Variants in SLC13A1 observed in about 807,000 individuals in gnomAD.
SLC13A1 encodes the protein Na(+)/sulfate cotransporter.
In SLC13A1, 65 loss-of-function variants were observed where a neutral mutation model predicts 70.0. The observed-to-expected ratio is 0.93, with a 90% CI of 0.76 to 1.14. The LOEUF (loss-of-function observed/expected upper bound fraction) is 1.14. SLC13A1 is among the 50% of genes most tolerant of loss of function. The probability of loss-of-function intolerance (pLI) is 0.00; values close to 1 mark genes in which losing one functional copy is unlikely to be tolerated. For synonymous variants in SLC13A1, 275 were observed against 250.5 expected, an observed-to-expected ratio of 1.10 and a Z score of -0.92; for missense variants, 726 against 717.8, an observed-to-expected ratio of 1.01 and a Z score of -0.13.
At chr7:123,161,313 G>T (rs1409384701) in intron 6 of SLC13A1, among the ~76,000 whole-genome samples, 1 of 150,548 alleles carries the variant, frequency 6.6e-6, no homozygotes, top group Non-Finnish European at 1.5e-5. Context: ...AAAAGCACAA[G>T]AAAAATGTTA....
chr7:123,119,262 T>C lies in SLC13A1; in HGVS notation c.1351-20A>G. The C allele has an allele frequency of 1.3e-6, 2 of 1,503,464 alleles. No individual in the cohort carries two copies. Among genetic ancestry groups the C allele is most frequent in the Non-Finnish European group, 1.8e-6 (2 of 1,097,850 alleles). 93.1% of individuals were successfully genotyped at this position (1,503,464 alleles called of 1,614,324 possible). On this transcript the variant is annotated intron_variant, in intron 12 of 14. Coordinates refer to ENST00000194130, the MANE Select transcript of SLC13A1 (RefSeq NM_022444.4). Reference sequence around the variant, plus strand: ...AGACTCCTAAAAAACAAATTTGCAATATTTGTTACTCATGAATAATTCTTT... The same window carrying C: ...AGACTCCTAAAAAACAAATTTGCAACATTTGTTACTCATGAATAATTCTTT...
intron 7 of SLC13A1, among the ~76,000 whole-genome samples, chr7:123,142,746 T>C (rs1794202062): frequency 6.7e-6 from 1 of 150,368 alleles, no homozygotes; most frequent in African/African-American, 2.5e-5. Context: ...GCCTCCTGAG[T>C]AGCTGGGACT....
At chr7:123,175,751 AC>A (rs1278633669) in intron 2 of SLC13A1, among the ~76,000 whole-genome samples, 1 of 152,188 alleles carries the variant, frequency 6.6e-6, no homozygotes, top group Non-Finnish European at 1.5e-5. Flanking sequence ...GGGCTAAGAT[AC>A]CCTATTTTAC....
At chr7:123,143,047 G>T (rs1308227062) in intron 7 of SLC13A1, among the ~76,000 whole-genome samples, 3 of 152,108 alleles carry the variant, frequency 2.0e-5, no homozygotes, top group Non-Finnish European at 2.9e-5. Flanking sequence ...TGGAAAGGGG[G>T]CCAGTGCCCT....
At chr7:123,156,869 G>A (rs940910179) in intron 6 of SLC13A1, among the ~76,000 whole-genome samples, 6 of 151,968 alleles carry the variant, frequency 3.9e-5, no homozygotes, top group African/African-American at 1.4e-4. Flanking sequence ...CAACTCTCCT[G>A]CTGTGCCTTC....
chr7:123,138,227 T>C (rs1794015735), intron 7 of SLC13A1, among the ~76,000 whole-genome samples: 1 of 152,234 alleles, frequency 6.6e-6, no homozygotes, highest in Non-Finnish European at 1.5e-5. Flanking sequence ...CCATTTATGT[T>C]GTTGCAAATG....
chr7:123,164,007 T>G (rs1324357787), intron 6 of SLC13A1, among the ~76,000 whole-genome samples: 2 of 152,018 alleles, frequency 1.3e-5, no homozygotes, highest in African/African-American at 4.8e-5. Flanking sequence ...AACCTTGCAT[T>G]TTAGTGGAGA....
chr7:123,147,832 C>T (rs1794416482), intron 6 of SLC13A1, among the ~76,000 whole-genome samples: 2 of 152,096 alleles, frequency 1.3e-5, no homozygotes, highest in South Asian at 4.1e-4. Flanking sequence ...TTCATTTCTT[C>T]ATCCTTCTTT....
At chr7:123,135,804 G>A (rs562783777) in intron 7 of SLC13A1, among the ~76,000 whole-genome samples, 77 of 152,252 alleles carry the variant, frequency 5.1e-4, no homozygotes, top group African/African-American at 1.4e-3. Context: ...TTAGCAACTG[G>A]AGGATAATTT....
At chr7:123,169,450 A>G (rs1795191150) in intron 3 of SLC13A1, 115 bp from the exon 4 acceptor site, 2 of 944,200 alleles carry the variant, frequency 2.1e-6, no homozygotes, top group Non-Finnish European at 3.2e-6. Context: ...AAGTCTTTCA[A>G]AACATGGAAG....
intron 7 of SLC13A1, among the ~76,000 whole-genome samples, chr7:123,139,207 C>T (rs1362179823): frequency 1.3e-5 from 2 of 151,998 alleles, no homozygotes; most frequent in South Asian, 2.1e-4. Flanking sequence ...ACTCCTTTGT[C>T]GAAAATGAGT....
chr7:123,125,912 A>C (rs1369262910), intron 10 of SLC13A1, among the ~76,000 whole-genome samples: 1 of 152,186 alleles, frequency 6.6e-6, no homozygotes, highest in African/African-American at 2.4e-5. Context: ...TCTTATTTTC[A>C]ATACCACGTA....
intron 6 of SLC13A1, among the ~76,000 whole-genome samples, chr7:123,160,879 C>T (rs1794871794): frequency 6.6e-6 from 1 of 151,730 alleles, no homozygotes; most frequent in South Asian, 2.1e-4. Flanking sequence ...AAACACAAAA[C>T]TGAAAAATAT....
chr7:123,116,223 A>T (rs1457666052), intron 14 of SLC13A1, among the ~76,000 whole-genome samples: 1 of 152,194 alleles, frequency 6.6e-6, no homozygotes, highest in African/African-American at 2.4e-5. Context: ...TTTAGCTCTT[A>T]TATCATTATT....
chr7:123,190,895 C>T (rs955650502), intron 1 of SLC13A1, among the ~76,000 whole-genome samples: 1 of 151,998 alleles, frequency 6.6e-6, no homozygotes, highest in African/African-American at 2.4e-5. Context: ...CTTTCCTGCT[C>T]TTGCTTTATA....
At chr7:123,173,610 T>C (rs192013994) in intron 2 of SLC13A1, among the ~76,000 whole-genome samples, 1 of 152,282 alleles carries the variant, frequency 6.6e-6, no homozygotes, top group East Asian at 1.9e-4. Flanking sequence ...GTTTGGTTTT[T>C]TCGTAGTATA....
At chr7:123,125,765 A>T in intron 10 of SLC13A1, 90 bp from the exon 11 acceptor site, 1 of 877,328 alleles carries the variant, frequency 1.1e-6, no homozygotes, top group Non-Finnish European at 1.9e-6. Flanking sequence ...TATCAGTAAT[A>T]GGTTATTATC....
intron 6 of SLC13A1, among the ~76,000 whole-genome samples, chr7:123,153,491 G>T (rs1333281468): frequency 2.0e-5 from 3 of 151,996 alleles, no homozygotes; most frequent in Non-Finnish European, 4.4e-5. Flanking sequence ...TTTTTACCGA[G>T]TGCTTGTGTT....
intron 1 of SLC13A1, among the ~76,000 whole-genome samples, chr7:123,195,278 C>T (rs753094345): frequency 3.9e-5 from 6 of 151,994 alleles, no homozygotes; most frequent in Non-Finnish European, 8.8e-5. Flanking sequence ...CCAAAATATT[C>T]ACTTACTTGG....
Sources: allele counts gnomAD v4.1 joint callset (sites outside exome capture counted in the v4.1 genomes callset), GRCh38; gene constraint gnomAD v4.1.1; transcripts MANE v1.5; gene names NCBI Gene and HGNC (gene_info 2026-07-23, HGNC 2026-07-21).